MFN2: variants seen among roughly 807,000 people sequenced by gnomAD.
MFN2 encodes the protein mitofusin-2.
A neutral mutation model predicts 87.5 loss-of-function variants in MFN2; 43 were observed. The observed-to-expected ratio is 0.49, with a 90% CI of 0.38 to 0.63. MFN2 has a LOEUF of 0.63. MFN2 is among the 30% of genes least tolerant of loss of function. MFN2 has a pLI of 0.00. For missense variants in MFN2, 743 were observed against 972.8 expected (o/e 0.76, Z 3.14); for synonymous variants, 337 against 359.9 (o/e 0.94, Z 0.72).
chr1:11,989,453 A>G (rs1638580358), intron 3 of MFN2, 110 bp downstream of exon 3: 1 of 1,251,166 alleles, frequency 8.0e-7, no homozygotes, highest in Admixed American at 2.2e-5. Flanking sequence ...TCATAACCAG[A>G]TAGCCTTAGA....
In MFN2 at chr1:12,004,778, G is replaced by A. The variant is rs1639329264; in HGVS notation, c.1393-47G>A. 1 of 1,588,156 alleles carries A rather than the reference G, an allele frequency of 6.3e-7. No homozygotes were observed. The highest frequency in any genetic ancestry group is 8.6e-7 in the Non-Finnish European group (1 of 1,158,100). Reference sequence around the variant, plus strand: ...TCACCTGGTGGATGTGGCCTGAAGGGAATTTTGATGGACATGCTTCTCTTA... The same window carrying A: ...TCACCTGGTGGATGTGGCCTGAAGGAAATTTTGATGGACATGCTTCTCTTA... On this transcript the variant is annotated intron_variant, in intron 13 of 18. Coordinates refer to ENST00000235329, the MANE Select transcript of MFN2 (RefSeq NM_014874.4). The surrounding 1 kb of genome is among the most constrained non-coding windows in gnomAD (Gnocchi z 4.2).
At position 12,003,901 on chromosome 1, in the gene MFN2, G is replaced by T; in HGVS notation, c.1161-91G>T. The T allele has an allele frequency of 6.4e-7, 1 of 1,557,368 alleles. No individual in the cohort carries two copies. Among genetic ancestry groups the T allele is most frequent in the Non-Finnish European group, 8.8e-7 (1 of 1,131,196 alleles). On this transcript the variant is annotated intron_variant, in intron 11 of 18. Transcript: ENST00000235329. This position sits in a 1 kb window ranked among gnomAD's most constrained non-coding sequence, Gnocchi z 4.1. Reference sequence around the variant, plus strand: ...TGCAGCCCTGCCAGGCAAGATAGCGGGCAGGGCGGCGTGGGATTTCTGGCA... The same window carrying T: ...TGCAGCCCTGCCAGGCAAGATAGCGTGCAGGGCGGCGTGGGATTTCTGGCA...
chr1:12,008,609 G>A (rs530331660), intron 17 of MFN2, among the ~76,000 whole-genome samples: 1 of 151,946 alleles, frequency 6.6e-6, no homozygotes, highest in African/African-American at 2.4e-5. Context: ...CTCCTAGACG[G>A]GGTTGTGGCT....
At chr1:11,983,008 G>A (rs918876046) in intron 2 of MFN2, among the ~76,000 whole-genome samples, 4 of 152,146 alleles carry the variant, frequency 2.6e-5, no homozygotes, top group African/African-American at 4.8e-5. Context: ...CTGTGCTCAC[G>A]TGCTCCACTG....
intron 8 of MFN2, among the ~76,000 whole-genome samples, chr1:11,999,862 A>T (rs1289121756): frequency 2.0e-5 from 3 of 151,818 alleles, no homozygotes; most frequent in African/African-American, 7.2e-5. Context: ...TGGGAGGCCG[A>T]TGTGGGCGGA....
At chr1:12,000,927 G>T (rs994048098) in intron 8 of MFN2, among the ~76,000 whole-genome samples, 15 of 152,216 alleles carry the variant, frequency 9.9e-5, no homozygotes, top group Non-Finnish European at 1.9e-4. Context: ...CCACACGTTG[G>T]TCTGGGAAAC....
At chr1:11,993,372 T>C (rs1448515273) in intron 4 of MFN2, among the ~76,000 whole-genome samples, 1 of 152,190 alleles carries the variant, frequency 6.6e-6, no homozygotes, top group African/African-American at 2.4e-5. Context: ...TCTCAAGTTA[T>C]TTCCCTGTTA....
At position 12,008,451 on chromosome 1, in the gene MFN2, C is replaced by T. The variant is rs75388147; in HGVS notation, c.2070-1141C>T. Among the ~76,000 whole-genome samples, 163 of 140,286 alleles carry T rather than the reference C, an allele frequency of 1.2e-3. 3 individuals are homozygous for T. The highest frequency in any genetic ancestry group is 4.3e-3 in the African/African-American group (141 of 32,946). The allele number at this position is 140,286 out of a possible 152,430, so 92.0% of individuals were successfully genotyped here. A position where few individuals can be genotyped will look rare whatever the true frequency, so the allele number is the denominator to read the frequency against. On this transcript the variant is annotated intron_variant, in intron 17 of 18. Coordinates refer to ENST00000235329, the MANE Select transcript of MFN2 (RefSeq NM_014874.4). ...CCCCCCACCTCCCTCCCGGACGGGG[C>T]GGCTGGCCGGGCGGGGACTGACCCC...
In MFN2 at chr1:12,006,552, C is replaced by T. The variant is rs1362979799; in HGVS notation, c.1731C>T (p.Ile577=). Residue 577 remains isoleucine, a synonymous_variant, in exon 16 of 19, where the codon ATC becomes ATT. Coordinates refer to ENST00000235329, the MANE Select transcript of MFN2 (RefSeq NM_014874.4). ...TCTCTCCTCAGGTCCAGCGTCCCATCCCTCTGACGCCAGCCAACCCCAGCA... is the reference window on the plus strand; with the variant it reads ...TCTCTCCTCAGGTCCAGCGTCCCATTCCTCTGACGCCAGCCAACCCCAGCA... The part of the protein sequence containing the change: ...MGYNDQVQRP[I]PLTPANPSMP... The T allele has an allele frequency of 1.9e-6, 3 of 1,614,102 alleles. No homozygotes were observed. The highest frequency in any genetic ancestry group is 2.7e-5 in the African/African-American group (2 of 74,938).
intron 18 of MFN2, 30 bp from the exon 19 acceptor site, chr1:12,011,466 C>T (rs1639693154): frequency 6.2e-7 from 1 of 1,612,906 alleles, no homozygotes; most frequent in Non-Finnish European, 8.5e-7. Flanking sequence ...CATCAGCTAT[C>T]ATGGTTACAA....
chr1:12,004,358 T>C lies in MFN2; in HGVS notation c.1288-151T>C. 2.2e-6 allele frequency: 2 copies of C among 918,702 alleles called. No individual in the cohort carries two copies. The highest frequency in any genetic ancestry group is 3.6e-6 in the Non-Finnish European group (2 of 556,348). 56.9% of individuals were successfully genotyped at this position (918,702 alleles called of 1,614,324 possible). A position where few individuals can be genotyped will look rare whatever the true frequency, so the allele number is the denominator to read the frequency against. On this transcript the variant is annotated intron_variant, in intron 12 of 18. Transcript: ENST00000235329. The surrounding 1 kb of genome is among the most constrained non-coding windows in gnomAD (Gnocchi z 4.2). Reference sequence around the variant, plus strand: ...TTTGATCAGCCAGTTTCCCAGACCCTCTCACTTCAGAGGCTTTAATTCCAT... The same window carrying C: ...TTTGATCAGCCAGTTTCCCAGACCCCCTCACTTCAGAGGCTTTAATTCCAT...
chr1:11,985,076 G>T (rs1402189980), intron 2 of MFN2, among the ~76,000 whole-genome samples: 1 of 152,062 alleles, frequency 6.6e-6, no homozygotes, highest in Non-Finnish European at 1.5e-5. Context: ...GGAGAGGCGG[G>T]GCAGTCCTGG....
intron 6 of MFN2, 38 bp from the exon 7 acceptor site, chr1:11,998,732 C>A: frequency 6.3e-7 from 1 of 1,584,558 alleles, no homozygotes; most frequent in Non-Finnish European, 8.7e-7. Flanking sequence ...AGGGCTCCTG[C>A]TCTGCCTGAT....
At chr1:12,005,985 C>T in intron 15 of MFN2, 54 bp downstream of exon 15, 4 of 1,542,038 alleles carry the variant, frequency 2.6e-6, no homozygotes, top group Non-Finnish European at 3.6e-6. Flanking sequence ...CTGTACCCTG[C>T]CTCCAGACAC....
chr1:12,006,714 G>T, intron 16 of MFN2, 21 bp downstream of exon 16: 2 of 1,614,066 alleles, frequency 1.2e-6, no homozygotes, highest in South Asian at 1.1e-5. Context: ...AGTTCTGCTC[G>T]GGAAGGTGGG....
intron 3 of MFN2, 82 bp downstream of exon 3, chr1:11,989,425 T>G: frequency 6.7e-7 from 1 of 1,487,806 alleles, no homozygotes; most frequent in Non-Finnish European, 9.2e-7. Flanking sequence ...GGGAGGTATA[T>G]CTCTGCTCCC....
chr1:12,006,250 C>G (rs370676516), intron 15 of MFN2, among the ~76,000 whole-genome samples: 1 of 151,946 alleles, frequency 6.6e-6, no homozygotes, highest in African/African-American at 2.4e-5. Flanking sequence ...TAAAAACATT[C>G]ATCTCTAAAC....
intron 1 of MFN2, 182 bp from the exon 2 acceptor site, chr1:11,981,788 A>G (rs1252816546): frequency 6.6e-6 from 1 of 151,970 alleles, no homozygotes; most frequent in Non-Finnish European, 1.5e-5. Flanking sequence ...TTGGTCCCAC[A>G]CCTCTGCGTT....
chr1:11,992,965 G>T (rs1261573660), intron 4 of MFN2, among the ~76,000 whole-genome samples: 2 of 42,246 alleles, frequency 4.7e-5, no homozygotes, highest in African/African-American at 2.7e-4. Context: ...CATCAAGCCT[G>T]ACTTTTTTTT....
Sources: allele counts gnomAD v4.1 joint callset (sites outside exome capture counted in the v4.1 genomes callset), GRCh38; gene constraint gnomAD v4.1.1; non-coding constraint Gnocchi (gnomAD v3.1); transcripts MANE v1.5; gene names NCBI Gene and HGNC (gene_info 2026-07-23, HGNC 2026-07-21).